Variants in NUP214 observed in about 807,000 individuals in gnomAD.
NUP214 encodes nucleoporin 214, also known as nuclear pore complex protein Nup214.
A neutral mutation model predicts 196.2 loss-of-function variants in NUP214; 79 were observed. The observed-to-expected ratio is 0.40, with a 90% CI of 0.34 to 0.49. The LOEUF is 0.49. NUP214 is among the 20% of genes least tolerant of loss of function. The pLI, the probability that NUP214 is intolerant of heterozygous loss-of-function variation, is 0.58. For missense variants in NUP214, 2,468 were observed against 2,539.0 expected (o/e 0.97, Z 0.60); for synonymous variants, 1,020 against 990.5 (o/e 1.03, Z -0.56).
chr9:131,190,425 G>A, intron 26 of NUP214: 1 of 692,074 alleles, frequency 1.4e-6, no homozygotes, highest in South Asian at 1.5e-5. Flanking sequence ...ATTCATTGCT[G>A]ATCATGAAAT....
intron 30 of NUP214, among the ~76,000 whole-genome samples, chr9:131,206,940 G>A (rs879354898): frequency 2.0e-5 from 3 of 152,154 alleles, no homozygotes; most frequent in Non-Finnish European, 4.4e-5. Flanking sequence ...TGAAATCAAG[G>A]TTTTTTCTAT....
Position 131,212,768 on chromosome 9 carries a change from G to A in NUP214, c.5593-2444G>A, listed in dbSNP as rs145211931. 7.2e-5 allele frequency among the ~76,000 whole-genome samples: 11 copies of A among 152,274 alleles called. No homozygotes were observed. The East Asian group carries it at 1.7e-3, about 24-fold the overall frequency. ...ATTGTTAAAATTTTCGGATATAATGGTCATGTAGTGATGGTTTTTTTTATA... is the reference window on the plus strand; with the variant it reads ...ATTGTTAAAATTTTCGGATATAATGATCATGTAGTGATGGTTTTTTTTATA... On this transcript the variant is annotated intron_variant, in intron 30 of 35. Transcript: ENST00000359428.
chr9:131,170,148 TG>T (rs2133574345), intron 21 of NUP214, among the ~76,000 whole-genome samples: 1 of 152,148 alleles, frequency 6.6e-6, no homozygotes, highest in Admixed American at 6.5e-5. Context: ...AATGTGACTA[TG>T]GTGCATTTTA....
chr9:131,198,741 G>T lies in NUP214; in HGVS notation c.5247G>T (p.Gly1749=). The T allele has an allele frequency of 6.2e-7, 1 of 1,614,184 alleles. No homozygotes were observed. Among genetic ancestry groups the T allele is most frequent in the Non-Finnish European group, 8.5e-7 (1 of 1,180,026 alleles). ...GTGTCTTTTCCTTCAGTCAGCCTGG[G>T]TTCAGTTCCGTGCCTGCCTTCGGTC... ...AASVFSFSQP[G]FSSVPAFGQP... is the part of the protein sequence containing the mutation. Residue 1749 remains glycine (G), a synonymous_variant, in exon 29 of 36, where the codon GGG becomes GGT. Coordinates refer to ENST00000359428, the MANE Select transcript of NUP214 (RefSeq NM_005085.4).
rs139273355 is a variant in NUP214 at position 131,198,334 on chromosome 9, A to G, written c.4840A>G (p.Thr1614Ala). ...CCCTGTGGCCGTCGAAACATCAAGTACCCCCATAGCCTCCAGCACCACGTC... is the reference window on the plus strand; with the variant it reads ...CCCTGTGGCCGTCGAAACATCAAGTGCCCCCATAGCCTCCAGCACCACGTC... ...AGPVAVETSS[T>A]PIASSTTSIV... Residue 1614 changes from threonine to alanine, a missense_variant, in exon 29 of 36, where the codon ACC becomes GCC. Physicochemically the swap from Thr to Ala is moderately conservative, Grantham distance 58. Transcript: ENST00000359428. 763 of 1,614,030 alleles carry G rather than the reference A, an allele frequency of 4.7e-4. 7 individuals are homozygous for G. In the African/African-American group the frequency reaches 8.8e-3, roughly 19 times the overall value.
In NUP214 at chr9:131,178,349, C is replaced by T. The variant is rs1384794771; in HGVS notation, c.3358C>T (p.Pro1120Ser). The part of the protein sequence containing the change: ...TLTESTLKNV[P>S]QVVNVQELKN... ...GACTGAATCAACGTTGAAGAATGTC[C>T]CTCAAGTGGTAAATGTGCAGGAATT... The change falls in exon 24 of 36, where the codon CCT becomes TCT. Residue 1120 changes from proline (P) to serine (S), a missense_variant. Coordinates refer to ENST00000359428, the MANE Select transcript of NUP214 (RefSeq NM_005085.4). The T allele has an allele frequency of 1.9e-6, 3 of 1,613,960 alleles. No individual in the cohort carries two copies. The Admixed American group carries it at 5.0e-5, about 27-fold the overall frequency.
intron 30 of NUP214, among the ~76,000 whole-genome samples, chr9:131,208,088 C>T (rs1834133536): frequency 6.6e-6 from 1 of 152,136 alleles, no homozygotes; most frequent in Non-Finnish European, 1.5e-5. Context: ...CCAGTGTTAG[C>T]AATGATACAA....
chr9:131,150,707 T>A lies in NUP214; in HGVS notation c.2219T>A (p.Leu740Gln). Reference protein sequence around the residue: ...QVGTSEEMKMLRTESDDLHTF... With the variant: ...QVGTSEEMKMQRTESDDLHTF... ...GGCACTTCTGAGGAGATGAAGATGC[T>A]GCGAACAGAATCAGATGACTTGCAT... Residue 740 changes from leucine to glutamine, a missense_variant, in exon 16 of 36, where the codon CTG becomes CAG. This residue lies in a region of NUP214 where 1,801 missense variants were observed against 1,779.4 expected (regional missense o/e 1.01). Transcript: ENST00000359428. 1 of 1,614,208 alleles carries A rather than the reference T, an allele frequency of 6.2e-7. No homozygotes were observed. The highest frequency in any genetic ancestry group is 1.1e-5 in the South Asian group (1 of 91,084).
chr9:131,195,599 C>G, intron 28 of NUP214: 1 of 301,556 alleles, frequency 3.3e-6, no homozygotes, highest in South Asian at 4.5e-5. Flanking sequence ...TTTAAAATTT[C>G]TTCAATTTAT....
chr9:131,161,246 C>G (rs981697478), intron 18 of NUP214, among the ~76,000 whole-genome samples: 1 of 148,500 alleles, frequency 6.7e-6, no homozygotes, highest in African/African-American at 2.5e-5. Context: ...TACCTTGAAC[C>G]CTATTGAAAT....
At chr9:131,186,079 G>T (rs1833443378) in intron 24 of NUP214, among the ~76,000 whole-genome samples, 1 of 152,164 alleles carries the variant, frequency 6.6e-6, no homozygotes, top group Non-Finnish European at 1.5e-5. Context: ...TGCTGTGTCT[G>T]TCCAGGTACT....
At chr9:131,199,622 T>C (rs1338312175) in intron 29 of NUP214, among the ~76,000 whole-genome samples, 2 of 152,248 alleles carry the variant, frequency 1.3e-5, no homozygotes, top group Admixed American at 1.3e-4. Context: ...TTCTTCTCTA[T>C]TGCATTTTCC....
intron 27 of NUP214, chr9:131,192,670 T>G (rs1190892861): frequency 5.7e-6 from 1 of 175,598 alleles, no homozygotes; most frequent in Non-Finnish European, 1.2e-5. Context: ...ACAAACATGG[T>G]GGCTCATGCC....
At position 131,152,969 on chromosome 9, in the gene NUP214, T is replaced by G. The variant is rs369737673; in HGVS notation, c.2436+1075T>G. Among the ~76,000 whole-genome samples the G allele has an allele frequency of 3.9e-5, 6 of 152,098 alleles. 1 individual carries two copies. Among genetic ancestry groups the G allele is most frequent in the East Asian group, 1.9e-4 (1 of 5,168 alleles). ...TTTTAAATTTTTTGTAGAGATGGGG[T>G]CTCACTACATTATCCAGGCTGGTCT... On this transcript the variant is annotated intron_variant, in intron 17 of 35. Transcript: ENST00000359428.
In NUP214 at chr9:131,192,235, C is replaced by T; in HGVS notation, c.3602C>T (p.Thr1201Ile). The T allele has an allele frequency of 8.1e-7, 1 of 1,239,234 alleles. No homozygotes were observed. The highest frequency in any genetic ancestry group is 1.1e-6 in the Non-Finnish European group (1 of 920,678). The allele number at this position is 1,239,234 out of a possible 1,614,324, so 76.8% of individuals were successfully genotyped here. Reference sequence around the variant, plus strand: ...ACAGCCAAGATAGAAACAGCTGTGACTTCAACCCCATCTGCTTCTGGGCAG... The same window carrying T: ...ACAGCCAAGATAGAAACAGCTGTGATTTCAACCCCATCTGCTTCTGGGCAG... ...SGTAKIETAV[T>I]STPSASGQFS... The change falls in exon 27 of 36, where the codon ACT becomes ATT. Residue 1201 changes from threonine to isoleucine, a missense_variant. By Grantham distance (89) the Thr-to-Ile change is moderately conservative. Around this residue, in one of 5 missense-constraint regions of NUP214, gnomAD observed 1,801 missense variants for 1,779.4 expected, o/e 1.01. Transcript: ENST00000359428.
chr9:131,222,478 G>A, intron 31 of NUP214: 2 of 247,410 alleles, frequency 8.1e-6, no homozygotes, highest in Non-Finnish European at 1.6e-5. Flanking sequence ...GGAGCACCCA[G>A]TGAGCTTCTA....
At chr9:131,130,693 T>C (rs1395128444) in intron 4 of NUP214, 73 bp from the exon 5 acceptor site, 13 of 1,292,048 alleles carry the variant, frequency 1.0e-5, no homozygotes, top group Non-Finnish European at 1.5e-5. Flanking sequence ...AATTGATAAT[T>C]AGCTGTGTGT....
chr9:131,127,655 G>A lies in NUP214; in HGVS notation c.177G>A (p.Leu59=). The A allele has an allele frequency of 3.7e-6, 6 of 1,613,302 alleles. No homozygotes were observed. Among genetic ancestry groups the A allele is most frequent in the Non-Finnish European group, 5.1e-6 (6 of 1,179,850 alleles). ...GLVFAGGASG[L]QIFPTKNLLI... is the part of the protein sequence containing the mutation. Reference sequence around the variant, plus strand: ...TCTTCGCTGGTGGAGCCAGTGGCTTGCAGATTTTTCCTACTAAAAATCTTC... The same window carrying A: ...TCTTCGCTGGTGGAGCCAGTGGCTTACAGATTTTTCCTACTAAAAATCTTC... Residue 59 remains leucine (L), a synonymous_variant, in exon 2 of 36, where the codon TTG becomes TTA. Transcript: ENST00000359428.
intron 17 of NUP214, among the ~76,000 whole-genome samples, chr9:131,157,791 G>A (rs1052166624): frequency 2.6e-4 from 40 of 151,428 alleles, no homozygotes; most frequent in African/African-American, 5.8e-4. Context: ...GATTACAGGC[G>A]CGCGCCACCA....
Sources: gnomAD v4.1 joint callset for allele counts (sites outside exome capture counted in the v4.1 genomes callset) on GRCh38, gnomAD v4.1.1 for gene constraint, gnomAD v4.1.1 regional missense constraint, MANE v1.5 for transcripts, NCBI Gene and HGNC (gene_info 2026-07-23, HGNC 2026-07-21) for gene names.